Variants in TRPM6 observed in about 807,000 individuals in gnomAD.
The protein encoded by TRPM6 is channel kinase 2.
Under a neutral mutation model 247.6 loss-of-function variants are expected in TRPM6, and 111 were observed. That is an observed-to-expected ratio of 0.45 (90% CI 0.38 to 0.52). The LOEUF (loss-of-function observed/expected upper bound fraction) is 0.52. Ranked by LOEUF, TRPM6 falls within the 20% of genes least tolerant of loss-of-function variation. The pLI, the probability that TRPM6 is intolerant of heterozygous loss-of-function variation, is 0.00. For synonymous variants in TRPM6, 892 were observed against 853.8 expected (o/e 1.04, Z -0.78); for missense variants, 2,126 against 2,421.5 (o/e 0.88, Z 2.56).
chr9:74,801,097 T>C (rs934850098), intron 16 of TRPM6, among the ~76,000 whole-genome samples: 3 of 151,920 alleles, frequency 2.0e-5, no homozygotes, highest in Non-Finnish European at 4.4e-5. Context: ...GACATTGTCA[T>C]GCTCTGGAAT....
intron 23 of TRPM6, among the ~76,000 whole-genome samples, chr9:74,780,465 A>C (rs1827398386): frequency 1.3e-5 from 2 of 152,272 alleles, no homozygotes; most frequent in African/African-American, 2.4e-5. Flanking sequence ...AAAAAAAAAA[A>C]AACGAAGTGA....
intron 7 of TRPM6, among the ~76,000 whole-genome samples, chr9:74,822,458 T>C (rs1474832564): frequency 2.0e-5 from 3 of 151,556 alleles, no homozygotes; most frequent in Non-Finnish European, 4.4e-5. Context: ...TCTCCCTATG[T>C]TGCTCAGGTT....
chr9:74,793,325 G>C (rs965501555), intron 18 of TRPM6, among the ~76,000 whole-genome samples: 1 of 152,052 alleles, frequency 6.6e-6, no homozygotes, highest in Non-Finnish European at 1.5e-5. Flanking sequence ...TAGTTCCAAG[G>C]ATTTAAAAAT....
chr9:74,806,146 T>C (rs1414379103), intron 14 of TRPM6, among the ~76,000 whole-genome samples: 1 of 152,152 alleles, frequency 6.6e-6, no homozygotes, highest in Non-Finnish European at 1.5e-5. Flanking sequence ...GGTTGGCCAT[T>C]GTTGCTATTA....
chr9:74,800,902 G>GTTTTTTTTTTTTT lies in TRPM6; in HGVS notation c.2010-421_2010-420insAAAAAAAAAAAAA, dbSNP rs5898380. Among the ~76,000 whole-genome samples, 2 of 127,040 alleles carry GTTTTTTTTTTTTT rather than the reference G, an allele frequency of 1.6e-5. 1 individual carries two copies. Among genetic ancestry groups the GTTTTTTTTTTTTT allele is most frequent in the African/African-American group, 6.5e-5 (2 of 30,914 alleles). 83.3% of individuals were successfully genotyped at this position (127,040 alleles called of 152,430 possible). A position where few individuals can be genotyped will look rare whatever the true frequency, so the allele number is the denominator to read the frequency against. The stretch of plus-strand genomic sequence containing the variant: ...ACTCCCTGATAAGACCTAATAAAGT[G>GTTTTTTTTTTTTT]TGTTTTTTTTTTTTTTTTTGACAAA... On this transcript the variant is annotated intron_variant, in intron 16 of 38. Coordinates refer to ENST00000360774, the MANE Select transcript of TRPM6 (RefSeq NM_017662.5).
At chr9:74,806,020 G>T (rs1319175645) in intron 14 of TRPM6, among the ~76,000 whole-genome samples, 1 of 152,036 alleles carries the variant, frequency 6.6e-6, no homozygotes, top group Non-Finnish European at 1.5e-5. Context: ...TTTTATGTAT[G>T]ATAATGGCAT....
chr9:74,854,215 T>G (rs1490230484), intron 3 of TRPM6, among the ~76,000 whole-genome samples: 2 of 152,242 alleles, frequency 1.3e-5, no homozygotes, highest in African/African-American at 4.8e-5. Flanking sequence ...GACTAGTTTT[T>G]AACCATTTTT....
chr9:74,868,146 CA>C lies in TRPM6; in HGVS notation c.34-9399del, dbSNP rs796635861. Reference sequence around the variant, plus strand: ...TCCAGCCTGACAGAGCGAGACTCCGCAAAAAAAAAAAAAACTTTGACACCTC... The same window carrying C: ...TCCAGCCTGACAGAGCGAGACTCCGCAAAAAAAAAAAAACTTTGACACCTC... On this transcript the variant is annotated intron_variant, in intron 1 of 38. Transcript: ENST00000360774. Among the ~76,000 whole-genome samples the C allele has an allele frequency of 4.7e-3, 405 of 85,834 alleles. 2 individuals are homozygous for C. The highest frequency in any genetic ancestry group is 0.015 in the African/African-American group (352 of 22,734). The allele number at this position is 85,834 out of a possible 152,430, so 56.3% of individuals were successfully genotyped here. A position where few individuals can be genotyped will look rare whatever the true frequency, so the allele number is the denominator to read the frequency against.
intron 20 of TRPM6, among the ~76,000 whole-genome samples, chr9:74,787,950 C>T (rs544524535): frequency 3.0e-4 from 45 of 152,026 alleles, no homozygotes; most frequent in East Asian, 7.7e-4. Flanking sequence ...CTCCTGACCT[C>T]GTGATCTGCC....
In TRPM6 at chr9:74,784,186, G is replaced by A. The variant is rs148969265; in HGVS notation, c.2920-1333C>T. ...GCTGAGGCAGGAGAATCGCTTGAAC[G>A]CAGGAAGTGGAGGTTGCAGTGAGCA... On this transcript the variant is annotated intron_variant, in intron 21 of 38. Transcript: ENST00000360774. Among the ~76,000 whole-genome samples, 470 of 151,052 alleles carry A rather than the reference G, an allele frequency of 3.1e-3. 4 individuals carry two copies. Among genetic ancestry groups the A allele is most frequent in the African/African-American group, 0.011 (441 of 41,096 alleles).
intron 1 of TRPM6, among the ~76,000 whole-genome samples, chr9:74,860,427 C>T (rs773459223): frequency 2.3e-4 from 35 of 152,190 alleles, no homozygotes; most frequent in Non-Finnish European, 4.7e-4. Flanking sequence ...GGCGCAATCT[C>T]GGCTCACTGA....
At chr9:74,818,758 T>A (rs1389685570) in intron 9 of TRPM6, among the ~76,000 whole-genome samples, 1 of 152,204 alleles carries the variant, frequency 6.6e-6, no homozygotes, top group Non-Finnish European at 1.5e-5. Flanking sequence ...TGCTGCTAAT[T>A]AGAAACATGG....
At chr9:74,882,691 A>G (rs1436174594) in intron 1 of TRPM6, among the ~76,000 whole-genome samples, 2 of 152,210 alleles carry the variant, frequency 1.3e-5, no homozygotes, top group Non-Finnish European at 2.9e-5. Context: ...CGTTATGGAA[A>G]ACAGTAATGG....
rs758358387 is a variant in TRPM6, at chr9:74,788,737, C to T, written c.2544G>A (p.Ala848=). 4 of 1,613,856 alleles carry T rather than the reference C, an allele frequency of 2.5e-6. No homozygotes were observed. The highest frequency in any genetic ancestry group is 2.5e-6 in the Non-Finnish European group (3 of 1,179,878). The stretch of plus-strand genomic sequence containing the variant: ...TGAACAGCATGAGGAATGCCAAATA[C>T]GCCATCTGTGAGGGGGACACACATT... The part of the protein sequence containing the change: ...PIVKFWFYTM[A]YLAFLMLFTY... Residue 848 remains alanine, a synonymous_variant, in exon 20 of 39, where the codon GCG becomes GCA. Coordinates refer to ENST00000360774, the MANE Select transcript of TRPM6 (RefSeq NM_017662.5).
chr9:74,851,797 T>C lies in TRPM6; in HGVS notation c.152+3730A>G, dbSNP rs1226937481. Reference sequence around the variant, plus strand: ...ATATAATACATATATATATAATATATATATTACAGTCACTTATTGACAAGG... The same window carrying C: ...ATATAATACATATATATATAATATACATATTACAGTCACTTATTGACAAGG... On this transcript the variant is annotated intron_variant, in intron 3 of 38. Transcript: ENST00000360774. Among the ~76,000 whole-genome samples, 4 of 147,478 alleles carry C rather than the reference T, an allele frequency of 2.7e-5. No homozygotes were observed. The Admixed American group carries it at 2.7e-4, about 10-fold the overall frequency.
chr9:74,757,102 C>T (rs527978734), intron 27 of TRPM6, among the ~76,000 whole-genome samples: 50 of 149,608 alleles, frequency 3.3e-4, no homozygotes, highest in Admixed American at 2.0e-3. Flanking sequence ...CACTTGAACC[C>T]GGGAGGCGGA....
intron 33 of TRPM6, among the ~76,000 whole-genome samples, chr9:74,740,701 T>G (rs2118740962): frequency 6.6e-6 from 1 of 152,318 alleles, no homozygotes; most frequent in South Asian, 2.1e-4. Flanking sequence ...GTGGGAGTTT[T>G]CCACTTGTGG....
chr9:74,789,773 A>C (rs1827830671), intron 19 of TRPM6, among the ~76,000 whole-genome samples: 1 of 152,132 alleles, frequency 6.6e-6, no homozygotes, highest in Admixed American at 6.6e-5. Flanking sequence ...CAGCCTGGCC[A>C]GCATGGTGAA....
chr9:74,782,263 A>G (rs1444046961), intron 23 of TRPM6, 99 bp downstream of exon 23: 2 of 876,572 alleles, frequency 2.3e-6, no homozygotes, highest in Non-Finnish European at 3.7e-6. Context: ...TAGAACACAC[A>G]AAAATCAAAG....
Sources: allele counts gnomAD v4.1 joint callset (sites outside exome capture counted in the v4.1 genomes callset), GRCh38; gene constraint gnomAD v4.1.1; transcripts MANE v1.5; gene names NCBI Gene and HGNC (gene_info 2026-07-23, HGNC 2026-07-21).